The following ELP4 variants were observed in gnomAD, a reference collection of about 807,000 sequenced individuals.
ELP4 encodes the protein elongator acetyltransferase complex subunit 4.
ELP4 carries 51 observed loss-of-function variants against 48.9 expected under a neutral mutation model. The observed-to-expected ratio is 1.04, with a 90% CI of 0.83 to 1.32. ELP4 has a LOEUF of 1.32. Among genes scored for constraint, ELP4 ranks in the 40% most tolerant of loss-of-function variants. ELP4 has a pLI of 0.00. For missense variants in ELP4, 519 were observed against 514.6 expected (o/e 1.01, Z -0.08); for synonymous variants, 210 against 189.2 (o/e 1.11, Z -0.90).
At chr11:31,631,172 C>A (rs1944853083) in intron 6 of ELP4, among the ~76,000 whole-genome samples, 1 of 152,028 alleles carries the variant, frequency 6.6e-6, no homozygotes, top group Non-Finnish European at 1.5e-5. Context: ...TACACAAATT[C>A]AGTTTTCATT....
intron 2 of ELP4, among the ~76,000 whole-genome samples, chr11:31,529,246 C>G (rs1956352518): frequency 2.0e-5 from 3 of 151,990 alleles, no homozygotes; most frequent in Admixed American, 2.0e-4. Flanking sequence ...GTTGAGTACC[C>G]TAGAATTGGT....
chr11:31,631,189 A>G (rs1944853558), intron 6 of ELP4, among the ~76,000 whole-genome samples: 1 of 152,138 alleles, frequency 6.6e-6, no homozygotes, highest in South Asian at 2.1e-4. Context: ...CATTTGTAAT[A>G]TCAGGGAAAT....
At chr11:31,680,623 A>G (rs1266529394) in intron 9 of ELP4, among the ~76,000 whole-genome samples, 1 of 152,204 alleles carries the variant, frequency 6.6e-6, no homozygotes, top group Non-Finnish European at 1.5e-5. Context: ...CATACATATC[A>G]TTTGAAGTAA....
intron 9 of ELP4, among the ~76,000 whole-genome samples, chr11:31,766,968 A>G (rs901076103): frequency 1.3e-5 from 2 of 152,146 alleles, no homozygotes; most frequent in Admixed American, 1.3e-4. Flanking sequence ...AAATAGCAAA[A>G]CTTGTCAGTA....
chr11:31,693,301 C>A (rs1379056382), intron 9 of ELP4, among the ~76,000 whole-genome samples: 1 of 152,052 alleles, frequency 6.6e-6, no homozygotes, highest in East Asian at 1.9e-4. Flanking sequence ...AATGCTAACC[C>A]TCCCCCCTTC....
At chr11:31,660,218 C>T (rs576497197) in intron 9 of ELP4, among the ~76,000 whole-genome samples, 11 of 152,144 alleles carry the variant, frequency 7.2e-5, no homozygotes, top group East Asian at 1.9e-4. Flanking sequence ...TATTTTGAAA[C>T]GGGCTTTTTT....
At chr11:31,745,655 TA>T (rs1290001712) in intron 9 of ELP4, among the ~76,000 whole-genome samples, 3 of 152,174 alleles carry the variant, frequency 2.0e-5, no homozygotes, top group Non-Finnish European at 4.4e-5. Context: ...ATTCCCTATT[TA>T]ATAAATGGTG....
At chr11:31,606,619 TATA>T (rs1489231625) in intron 5 of ELP4, among the ~76,000 whole-genome samples, 1 of 152,178 alleles carries the variant, frequency 6.6e-6, no homozygotes, top group African/African-American at 2.4e-5. Flanking sequence ...TCAGATGTTT[TATA>T]ATAATATTAT....
chr11:31,620,481 A>C (rs142340132), intron 5 of ELP4, among the ~76,000 whole-genome samples: 5 of 152,036 alleles, frequency 3.3e-5, no homozygotes, highest in Non-Finnish European at 7.4e-5. Context: ...GAGATTATAG[A>C]GGTATGGCAG....
chr11:31,776,252 G>T (rs1948245517), intron 9 of ELP4, among the ~76,000 whole-genome samples: 1 of 152,090 alleles, frequency 6.6e-6, no homozygotes, highest in South Asian at 2.1e-4. Context: ...GCCAAAGGAG[G>T]TGTGGATCAG....
In ELP4 at chr11:31,514,896, GA is replaced by G. The variant is rs1315288167; in HGVS notation, c.223+4890del. ...GCTAGACCTTCCATTTATCAAGTAA[GA>G]GACATCAAAATACCTTATACAAAGG... On this transcript the variant is annotated intron_variant, in intron 1 of 9. Coordinates refer to ENST00000640961, the MANE Select transcript of ELP4 (RefSeq NM_019040.5). Among the ~76,000 whole-genome samples, 3 of 151,842 alleles carry G rather than the reference GA, an allele frequency of 2.0e-5. No homozygotes were observed. In the East Asian group the frequency reaches 5.8e-4, roughly 29 times the overall value.
chr11:31,609,863 C>G (rs1371500791), intron 5 of ELP4, among the ~76,000 whole-genome samples: 1 of 151,958 alleles, frequency 6.6e-6, no homozygotes, highest in Non-Finnish European at 1.5e-5. Flanking sequence ...TAGTGAGACC[C>G]TGTCTCTACA....
chr11:31,662,243 T>A (rs1328456672), intron 9 of ELP4, among the ~76,000 whole-genome samples: 1 of 152,130 alleles, frequency 6.6e-6, no homozygotes, highest in Non-Finnish European at 1.5e-5. Flanking sequence ...GGAAATGTGA[T>A]GTAGTCTTAA....
At chr11:31,554,305 G>T (rs944278779) in intron 3 of ELP4, among the ~76,000 whole-genome samples, 5 of 152,144 alleles carry the variant, frequency 3.3e-5, no homozygotes, top group African/African-American at 9.7e-5. Flanking sequence ...AAAGGTTGGG[G>T]ACTGCTGCGT....
intron 9 of ELP4, chr11:31,653,593 A>T (rs747464934): frequency 3.3e-5 from 5 of 151,756 alleles, no homozygotes; most frequent in African/African-American, 1.2e-4. Flanking sequence ...TTTCATCTTT[A>T]TATCTATCTA....
chr11:31,668,721 T>TGTGTGTGTGTGTG (rs1565103640), intron 9 of ELP4, among the ~76,000 whole-genome samples: 3 of 92,594 alleles, frequency 3.2e-5, no homozygotes, highest in Non-Finnish European at 6.3e-5. Flanking sequence ...TGTGTGTGTG[T>TGTGTGTGTGTGTG]AAGAACCCTG....
chr11:31,586,027 G>T (rs1344778676), intron 3 of ELP4, among the ~76,000 whole-genome samples: 3 of 152,100 alleles, frequency 2.0e-5, no homozygotes, highest in Admixed American at 2.0e-4. Context: ...CAAGGAAAAA[G>T]AAAACATTAA....
intron 9 of ELP4, among the ~76,000 whole-genome samples, chr11:31,749,178 TA>T (rs1947663771): frequency 6.6e-6 from 1 of 152,178 alleles, no homozygotes; most frequent in Admixed American, 6.5e-5. Flanking sequence ...TTCTGTGTGA[TA>T]TGCTAAAAAA....
chr11:31,547,881 A>G (rs1225744905), intron 3 of ELP4, among the ~76,000 whole-genome samples: 1 of 152,218 alleles, frequency 6.6e-6, no homozygotes, highest in Non-Finnish European at 1.5e-5. Context: ...ACCAAAGACA[A>G]AAACCACATG....
Sources: gnomAD v4.1 joint callset for allele counts (sites outside exome capture counted in the v4.1 genomes callset) on GRCh38, gnomAD v4.1.1 for gene constraint, MANE v1.5 for transcripts, NCBI Gene and HGNC (gene_info 2026-07-23, HGNC 2026-07-21) for gene names.